The following SMYD3 variants were observed in gnomAD, a reference collection of about 807,000 sequenced individuals.
SMYD3 encodes the protein SET and MYND domain containing 3.
A neutral mutation model predicts 57.7 loss-of-function variants in SMYD3; 36 were observed. That is an observed-to-expected ratio of 0.62 (90% CI 0.48 to 0.82). The LOEUF (loss-of-function observed/expected upper bound fraction) is 0.82. Among genes scored for constraint, SMYD3 ranks in the 40% least tolerant of loss-of-function variants. SMYD3 has a pLI of 0.00. For missense variants in SMYD3, 515 were observed against 538.8 expected (o/e 0.96, Z 0.44); for synonymous variants, 211 against 195.0 (o/e 1.08, Z -0.68).
At chr1:246,156,270 A>G (rs1333507144) in intron 5 of SMYD3, among the ~76,000 whole-genome samples, 1 of 152,206 alleles carries the variant, frequency 6.6e-6, no homozygotes, top group Non-Finnish European at 1.5e-5. Context: ...AAAAAAGTGA[A>G]ACAAAATAAA....
At chr1:245,822,979 G>T (rs938756133) in intron 10 of SMYD3, among the ~76,000 whole-genome samples, 1 of 152,172 alleles carries the variant, frequency 6.6e-6, no homozygotes, top group Non-Finnish European at 1.5e-5. Flanking sequence ...CTGAATGGGT[G>T]AGGCAAAGTG....
chr1:245,994,864 C>G (rs1482276747), intron 5 of SMYD3, among the ~76,000 whole-genome samples: 2 of 151,410 alleles, frequency 1.3e-5, no homozygotes, highest in Admixed American at 1.3e-4. Flanking sequence ...CAGTGGCTCA[C>G]GCCTGTAATT....
intron 5 of SMYD3, among the ~76,000 whole-genome samples, chr1:246,036,549 T>TG (rs1175617741): frequency 1.7e-5 from 2 of 115,248 alleles, no homozygotes; most frequent in African/African-American, 3.7e-5. Context: ...CTTTTTTTTT[T>TG]TTTTGTTTTG....
chr1:246,011,497 T>C lies in SMYD3; in HGVS notation c.532-81560A>G, dbSNP rs538764654. ...GTTTGGCCTATGTGCCTGTAAAATTTAGAAAAAGGACATAAAAAGGAGGAG... is the reference window on the plus strand; with the variant it reads ...GTTTGGCCTATGTGCCTGTAAAATTCAGAAAAAGGACATAAAAAGGAGGAG... On this transcript the variant is annotated intron_variant, in intron 5 of 11. Transcript: ENST00000490107. 2.0e-4 allele frequency among the ~76,000 whole-genome samples: 30 copies of C among 152,278 alleles called. 1 individual carries two copies. In the South Asian group the frequency reaches 6.0e-3, roughly 30 times the overall value.
chr1:245,798,651 C>T (rs538310697), intron 10 of SMYD3, among the ~76,000 whole-genome samples: 5 of 152,088 alleles, frequency 3.3e-5, no homozygotes, highest in South Asian at 4.2e-4. Context: ...TTGTACTGGA[C>T]GAGGCTGAAC....
At chr1:246,311,379 G>T (rs919087129) in intron 5 of SMYD3, among the ~76,000 whole-genome samples, 1 of 152,174 alleles carries the variant, frequency 6.6e-6, no homozygotes, top group Non-Finnish European at 1.5e-5. Flanking sequence ...TTGCTCTAAA[G>T]AAAAGCTAGA....
At chr1:245,937,834 C>T (rs1452153853) in intron 5 of SMYD3, among the ~76,000 whole-genome samples, 1 of 152,150 alleles carries the variant, frequency 6.6e-6, no homozygotes, top group African/African-American at 2.4e-5. Flanking sequence ...GGAAATCCAC[C>T]CCCAGCAGTA....
intron 5 of SMYD3, among the ~76,000 whole-genome samples, chr1:245,940,390 C>T (rs536010814): frequency 2.0e-5 from 3 of 152,278 alleles, no homozygotes; most frequent in African/African-American, 4.8e-5. Context: ...TAGCTGGCAT[C>T]AGGTCAGTGC....
intron 1 of SMYD3, among the ~76,000 whole-genome samples, chr1:246,465,165 C>T (rs1482154446): frequency 6.6e-6 from 1 of 152,182 alleles, no homozygotes; most frequent in African/African-American, 2.4e-5. Flanking sequence ...CCAGATGCTA[C>T]TATCCTTCAA....
intron 5 of SMYD3, among the ~76,000 whole-genome samples, chr1:246,166,458 AGCATTTTAGCTGTTGG>A (rs2062214171): frequency 6.6e-6 from 1 of 152,206 alleles, no homozygotes; most frequent in Admixed American, 6.5e-5. Context: ...TGTGTGAAAA[AGCATTTTAGCTGTTGG>A]CGTCACCAAA....
chr1:246,492,085 A>G (rs1489921994), intron 1 of SMYD3, among the ~76,000 whole-genome samples: 1 of 152,236 alleles, frequency 6.6e-6, no homozygotes, highest in African/African-American at 2.4e-5. Context: ...TTCAAGAGAA[A>G]AAGTTGAGAC....
chr1:245,806,812 A>G (rs1429673759), intron 10 of SMYD3, among the ~76,000 whole-genome samples: 1 of 146,618 alleles, frequency 6.8e-6, no homozygotes, highest in African/African-American at 2.5e-5. Context: ...CGGGAGGCTG[A>G]GGCAGGAGAA....
At chr1:246,256,336 AAC>A (rs898851223) in intron 5 of SMYD3, among the ~76,000 whole-genome samples, 1 of 152,170 alleles carries the variant, frequency 6.6e-6, no homozygotes, top group African/African-American at 2.4e-5. Context: ...CTCTTTTGGC[AAC>A]ACCCTCACAG....
chr1:245,824,064 GGA>G (rs756121049), intron 10 of SMYD3, among the ~76,000 whole-genome samples: 5 of 152,166 alleles, frequency 3.3e-5, no homozygotes, highest in Non-Finnish European at 7.3e-5. Flanking sequence ...ACTCACGACT[GGA>G]GAGTTGTGGC....
chr1:246,259,058 C>T (rs1321710831), intron 5 of SMYD3, among the ~76,000 whole-genome samples: 1 of 152,106 alleles, frequency 6.6e-6, no homozygotes, highest in African/African-American at 2.4e-5. Flanking sequence ...TTTTTCAATT[C>T]CAGAACTGGT....
chr1:246,056,332 C>G (rs113070044), intron 5 of SMYD3, among the ~76,000 whole-genome samples: 11 of 151,944 alleles, frequency 7.2e-5, no homozygotes, highest in Non-Finnish European at 1.5e-4. Context: ...AAGAAAAAAA[C>G]GGAGGGAGTG....
intron 1 of SMYD3, among the ~76,000 whole-genome samples, chr1:246,460,482 ATAT>A (rs1394784691): frequency 6.6e-6 from 1 of 152,242 alleles, no homozygotes; most frequent in African/African-American, 2.4e-5. Context: ...AAGAAATTAA[ATAT>A]TATTTTCTAC....
intron 2 of SMYD3, among the ~76,000 whole-genome samples, chr1:246,342,682 G>C (rs1375978503): frequency 1.3e-5 from 2 of 152,284 alleles, no homozygotes; most frequent in East Asian, 3.9e-4. Flanking sequence ...CTTCTCACTA[G>C]TCTTAATCAA....
At chr1:246,199,505 AGTTTT>A (rs1336663518) in intron 5 of SMYD3, among the ~76,000 whole-genome samples, 1 of 152,202 alleles carries the variant, frequency 6.6e-6, no homozygotes, top group East Asian at 1.9e-4. Context: ...GGCTATTTTA[AGTTTT>A]GTTTTGTTTT....
Sources: allele counts gnomAD v4.1 joint callset (sites outside exome capture counted in the v4.1 genomes callset), GRCh38; gene constraint gnomAD v4.1.1; transcripts MANE v1.5; gene names NCBI Gene and HGNC (gene_info 2026-07-23, HGNC 2026-07-21).